The following DOP1A variants were observed in gnomAD, a reference collection of about 807,000 sequenced individuals.
DOP1A encodes the protein DOP1 leucine zipper like protein A, also known as protein DOP1A.
Under a neutral mutation model 267.6 loss-of-function variants are expected in DOP1A, and 90 were observed. That is an observed-to-expected ratio of 0.34 (90% confidence interval 0.28 to 0.40). DOP1A has a LOEUF of 0.40. Ranked by LOEUF, DOP1A falls within the 10% of genes least tolerant of loss-of-function variation. The pLI, the probability that DOP1A is intolerant of heterozygous loss-of-function variation, is 1.00. For synonymous variants in DOP1A, 932 were observed against 999.1 expected (o/e 0.93, Z 1.27); for missense variants, 2,437 against 2,900.4 (o/e 0.84, Z 3.67).
chr6:83,073,960 T>C (rs1007473597), intron 1 of DOP1A, among the ~76,000 whole-genome samples: 8 of 152,212 alleles, frequency 5.3e-5, no homozygotes, highest in Non-Finnish European at 1.2e-4. Flanking sequence ...TGCAGTGTTA[T>C]ATTGATTATT....
chr6:83,137,833 G>A lies in DOP1A; in HGVS notation c.3791G>A (p.Ser1264Asn). 1 of 1,613,712 alleles carries A rather than the reference G, an allele frequency of 6.2e-7. No individual in the cohort carries two copies. The highest frequency in any genetic ancestry group is 8.5e-7 in the Non-Finnish European group (1 of 1,179,832). Residue 1264 changes from serine to asparagine, a missense_variant, in exon 21 of 39, where the codon AGT (serine) becomes AAT (asparagine). Ser to Asn is a conservative substitution (Grantham distance 46, BLOSUM62 1). Around this residue, in one of 9 missense-constraint regions of DOP1A, gnomAD observed 878 missense variants for 992.9 expected, o/e 0.88. Coordinates refer to ENST00000349129, the MANE Select transcript of DOP1A (RefSeq NM_015018.4). ...ASIETKSRQR[S>N]HSSIQFSFKE... is the part of the protein sequence containing the mutation. ...ATAGAAACCAAATCTAGACAAAGGAGTCACAGTAGTATTCAATTCAGCTTC... is the reference window on the plus strand; with the variant it reads ...ATAGAAACCAAATCTAGACAAAGGAATCACAGTAGTATTCAATTCAGCTTC...
chr6:83,107,928 T>C (rs745429869), intron 4 of DOP1A, among the ~76,000 whole-genome samples: 9 of 152,136 alleles, frequency 5.9e-5, no homozygotes, highest in Non-Finnish European at 8.8e-5. Context: ...TACAGAGATA[T>C]GTAGTAGCCA....
Position 83,138,078 on chromosome 6 carries a change from G to C in DOP1A, c.4036G>C (p.Glu1346Gln). The part of the protein sequence containing the change: ...SCGEGDISEI[E>Q]SDMGSPGSRK... ...TGGAGAGGGAGACATTTCTGAAATT[G>C]AGAGTGACATGGGTTCTCCAGGATC... The change falls in exon 21 of 39, where the codon GAG (glutamate) becomes CAG (glutamine). Residue 1346 changes from glutamate to glutamine, a missense_variant. Around this residue, in one of 9 missense-constraint regions of DOP1A, gnomAD observed 878 missense variants for 992.9 expected, o/e 0.88. Coordinates refer to ENST00000349129, the MANE Select transcript of DOP1A (RefSeq NM_015018.4). 6.2e-7 allele frequency: 1 copy of C among 1,613,702 alleles called. No homozygotes were observed. The highest frequency in any genetic ancestry group is 8.5e-7 in the Non-Finnish European group (1 of 1,179,802).
chr6:83,132,129 T>C (rs1405448125), intron 17 of DOP1A, 47 bp from the exon 18 acceptor site: 22 of 1,573,544 alleles, frequency 1.4e-5, no homozygotes, highest in Non-Finnish European at 1.9e-5. Flanking sequence ...ATTTGTTAAA[T>C]TTTCATGTAT....
At chr6:83,163,310 T>C (rs555060713) in intron 38 of DOP1A, among the ~76,000 whole-genome samples, 1 of 152,212 alleles carries the variant, frequency 6.6e-6, no homozygotes, top group African/African-American at 2.4e-5. Context: ...TTCATCTTAA[T>C]GCCATGATGA....
chr6:83,068,942 C>T (rs1488685340), intron 1 of DOP1A, among the ~76,000 whole-genome samples: 3 of 152,146 alleles, frequency 2.0e-5, no homozygotes, highest in African/African-American at 4.8e-5. Context: ...TTATTAGGTA[C>T]CTAGTGCTGA....
At chr6:83,153,059 G>T (rs1782047483) in intron 30 of DOP1A, among the ~76,000 whole-genome samples, 1 of 152,102 alleles carries the variant, frequency 6.6e-6, no homozygotes, top group Admixed American at 6.6e-5. Flanking sequence ...TGCAGATGTG[G>T]ATAGTGACCT....
At chr6:83,118,771 A>G in intron 7 of DOP1A, 117 bp from the exon 8 acceptor site, 4 of 684,858 alleles carry the variant, frequency 5.8e-6, no homozygotes, top group Non-Finnish European at 9.1e-6. Context: ...GAAATAATCC[A>G]TGAAAGTACT....
chr6:83,088,958 G>GA (rs1769822631), intron 1 of DOP1A, among the ~76,000 whole-genome samples: 1 of 152,178 alleles, frequency 6.6e-6, no homozygotes, highest in Non-Finnish European at 1.5e-5. Context: ...TACTTATATA[G>GA]CTTTTTTTCC....
At chr6:83,097,162 C>T (rs759468842) in intron 3 of DOP1A, 47 bp downstream of exon 3, 3 of 1,583,002 alleles carry the variant, frequency 1.9e-6, no homozygotes, top group Non-Finnish European at 2.6e-6. Context: ...AATTAGAAAT[C>T]TGTGTTTGTA....
chr6:83,123,131 T>C, intron 12 of DOP1A, 149 bp downstream of exon 12: 1 of 888,774 alleles, frequency 1.1e-6, no homozygotes, highest in Non-Finnish European at 1.6e-6. Context: ...GACTCTACCT[T>C]GTCACATAGG....
intron 3 of DOP1A, 141 bp downstream of exon 3, chr6:83,097,256 T>C: frequency 1.1e-6 from 1 of 913,922 alleles, no homozygotes; most frequent in Non-Finnish European, 1.6e-6. Context: ...CTATTTTTCT[T>C]CATGAGTTGC....
chr6:83,163,068 A>G (rs1562389692), intron 38 of DOP1A, 149 bp downstream of exon 38: 8 of 782,534 alleles, frequency 1.0e-5, no homozygotes, highest in Non-Finnish European at 1.6e-5. Flanking sequence ...TAATGTCCAT[A>G]AGCCTCATAT....
chr6:83,115,242 G>A (rs897030218), intron 7 of DOP1A, among the ~76,000 whole-genome samples: 5 of 152,052 alleles, frequency 3.3e-5, no homozygotes, highest in African/African-American at 1.2e-4. Flanking sequence ...TAATCAAGAA[G>A]CAACTTCTTT....
At position 83,168,069 on chromosome 6, in the gene DOP1A, A is replaced by G. The variant is rs1200852264; in HGVS notation, c.7300A>G (p.Met2434Val). Residue 2434 changes from methionine to valine, a missense_variant, in exon 39 of 39, where the codon ATG becomes GTG. Coordinates refer to ENST00000349129, the MANE Select transcript of DOP1A (RefSeq NM_015018.4). ...CTCAAATGCCTTCCCTAATAAGGAC[A>G]TGAAACTGGAGAACCACAAACCATG... ...LYSNAFPNKD[M>V]KLENHKPCSS... The G allele has an allele frequency of 1.2e-6, 2 of 1,614,252 alleles. No individual in the cohort carries two copies. The highest frequency in any genetic ancestry group is 1.3e-5 in the African/African-American group (1 of 75,066).
At chr6:83,078,557 AC>A (rs1305831307) in intron 1 of DOP1A, among the ~76,000 whole-genome samples, 3 of 152,210 alleles carry the variant, frequency 2.0e-5, no homozygotes, top group African/African-American at 7.2e-5. Flanking sequence ...ACAAGTACAA[AC>A]TTGTGTAATT....
intron 7 of DOP1A, among the ~76,000 whole-genome samples, chr6:83,115,626 A>C (rs1044908583): frequency 3.9e-5 from 6 of 152,182 alleles, no homozygotes; most frequent in Non-Finnish European, 8.8e-5. Context: ...CGGGAGGCTG[A>C]GGCAGGAGAA....
At chr6:83,132,365 CCA>C (rs3830927) in intron 18 of DOP1A, 37 bp downstream of exon 18, 28,531 of 1,248,966 alleles carry the variant, frequency 0.023, no homozygotes, top group South Asian at 0.033. Context: ...GCCCCCTCCG[CCA>C]CACACACACA....
chr6:83,071,856 A>C lies in DOP1A; in HGVS notation c.-147+4077A>C, dbSNP rs541229522. 2.6e-5 allele frequency among the ~76,000 whole-genome samples: 4 copies of C among 152,326 alleles called. No homozygotes were observed. The East Asian group carries it at 7.7e-4, about 29-fold the overall frequency. ...CTTAAGATAAACATTTGAATCTAAA[A>C]TCTAAATCAGAAAACAAGTGGGAAC... On this transcript the variant is annotated intron_variant, in intron 1 of 38. Coordinates refer to ENST00000349129, the MANE Select transcript of DOP1A (RefSeq NM_015018.4).
Sources: allele counts gnomAD v4.1 joint callset (sites outside exome capture counted in the v4.1 genomes callset), GRCh38; gene constraint gnomAD v4.1.1; regional missense constraint gnomAD v4.1.1; transcripts MANE v1.5; gene names NCBI Gene and HGNC (gene_info 2026-07-23, HGNC 2026-07-21).